PCNX2: variants seen among roughly 807,000 people sequenced by gnomAD.
PCNX2 encodes pecanex-like protein 2.
PCNX2 carries 168 observed loss-of-function variants against 223.8 expected under a neutral mutation model. The observed-to-expected ratio is 0.75, with a 90% confidence interval of 0.66 to 0.85. The LOEUF (loss-of-function observed/expected upper bound fraction) is 0.85. Ranked by LOEUF, PCNX2 falls within the 40% of genes least tolerant of loss-of-function variation. The probability of loss-of-function intolerance (pLI) is 0.00; values close to 1 mark genes in which losing one functional copy is unlikely to be tolerated. For missense variants in PCNX2, 2,507 were observed against 2,675.5 expected (o/e 0.94, Z 1.39); for synonymous variants, 1,006 against 1,052.6 (o/e 0.96, Z 0.86).
chr1:233,009,487 A>T (rs1354323779), intron 28 of PCNX2, among the ~76,000 whole-genome samples: 1 of 152,228 alleles, frequency 6.6e-6, no homozygotes, highest in African/African-American at 2.4e-5. Flanking sequence ...AAAATGCAAA[A>T]TTTAATTAAA....
At chr1:233,031,871 T>C (rs2102844060) in intron 25 of PCNX2, 7 of 984,626 alleles carry the variant, frequency 7.1e-6, no homozygotes, top group East Asian at 1.1e-4. Flanking sequence ...TGAAGATGTA[T>C]AGAAATGCAT....
intron 12 of PCNX2, among the ~76,000 whole-genome samples, chr1:233,210,725 G>T (rs181381810): frequency 6.6e-6 from 1 of 152,082 alleles, no homozygotes; most frequent in African/African-American, 2.4e-5. Context: ...CAGTAGCTCC[G>T]CCAGCTGAAG....
chr1:233,210,664 T>G lies in PCNX2; in HGVS notation c.2692-1975A>C, dbSNP rs1001296618. 6 of 984,598 alleles carry G rather than the reference T, an allele frequency of 6.1e-6. No individual in the cohort carries two copies. In the Admixed American group the frequency reaches 3.1e-4, roughly 50 times the overall value. 61.0% of individuals were successfully genotyped at this position (984,598 alleles called of 1,614,324 possible). A position where few individuals can be genotyped will look rare whatever the true frequency, so the allele number is the denominator to read the frequency against. On this transcript the variant is annotated intron_variant, in intron 12 of 33. Coordinates refer to ENST00000258229, the MANE Select transcript of PCNX2 (RefSeq NM_014801.4). ...ATTCCTACTGCCACATATGAATCAA[T>G]CATCAAATCTCCTAAGGACTGATTT...
chr1:233,121,249 T>C (rs1675773626), intron 21 of PCNX2, among the ~76,000 whole-genome samples: 1 of 152,212 alleles, frequency 6.6e-6, no homozygotes, highest in Non-Finnish European at 1.5e-5. Context: ...AAAATGTTGA[T>C]TCTTTACAAC....
the PCNX2 span, among the ~76,000 whole-genome samples, chr1:233,303,131 A>G: frequency 1.3e-5 from 2 of 152,206 alleles, no homozygotes; most frequent in African/African-American, 4.8e-5. Flanking sequence ...ACACACACAC[A>G]CAATGGACCA....
chr1:233,086,938 T>C, intron 23 of PCNX2: 1 of 817,272 alleles, frequency 1.2e-6, no homozygotes, highest in Non-Finnish European at 1.5e-6. Context: ...AGGACAGCTA[T>C]CCTAGAGCTA....
chr1:233,083,458 G>A lies in PCNX2; in HGVS notation c.4076+6603C>T, dbSNP rs145217309. ...TGTAACAGCACTCACAGGGGCTGCC[G>A]AGCAAGGCACAAGATCCGCTCCACC... is the stretch of plus-strand genomic sequence containing the variant. On this transcript the variant is annotated intron_variant, in intron 23 of 33. Transcript: ENST00000258229. 8.5e-5 allele frequency among the ~76,000 whole-genome samples: 13 copies of A among 152,256 alleles called. No individual in the cohort carries two copies. The East Asian group carries it at 2.1e-3, about 25-fold the overall frequency.
At chr1:233,128,978 C>T (rs1166698771) in intron 21 of PCNX2, among the ~76,000 whole-genome samples, 2 of 152,206 alleles carry the variant, frequency 1.3e-5, no homozygotes, top group African/African-American at 4.8e-5. Flanking sequence ...TGGCAGCCCT[C>T]GCTCACTCTT....
chr1:233,058,084 G>C, intron 23 of PCNX2: 3 of 981,610 alleles, frequency 3.1e-6, no homozygotes, highest in Non-Finnish European at 3.6e-6. Flanking sequence ...ATGGTAACAA[G>C]TGGCCACTAG....
chr1:233,103,834 T>C (rs1459881390), intron 21 of PCNX2, among the ~76,000 whole-genome samples: 1 of 152,194 alleles, frequency 6.6e-6, no homozygotes, highest in Non-Finnish European at 1.5e-5. Context: ...GGAAACTCTA[T>C]TTTTAGTTTT....
At chr1:233,151,368 T>G (rs1677798825) in intron 19 of PCNX2, among the ~76,000 whole-genome samples, 2 of 152,190 alleles carry the variant, frequency 1.3e-5, no homozygotes, top group Admixed American at 1.3e-4. Flanking sequence ...ACTAACATCA[T>G]TCTTCAAAAT....
chr1:233,185,340 G>A (rs1680033932), intron 15 of PCNX2, among the ~76,000 whole-genome samples: 1 of 152,102 alleles, frequency 6.6e-6, no homozygotes, highest in South Asian at 2.1e-4. Context: ...CAGGAAGAAA[G>A]AGACTTGCCC....
intron 25 of PCNX2, among the ~76,000 whole-genome samples, chr1:233,042,736 A>C (rs1054165672): frequency 6.6e-6 from 1 of 152,212 alleles, no homozygotes; most frequent in Non-Finnish European, 1.5e-5. Flanking sequence ...CCAAGTCCCT[A>C]GTGATGCTCT....
chr1:233,112,297 A>C (rs1675160064), intron 21 of PCNX2, among the ~76,000 whole-genome samples: 1 of 152,228 alleles, frequency 6.6e-6, no homozygotes, highest in South Asian at 2.1e-4. Context: ...GCCAGTGGTC[A>C]GCCTTGCAAG....
At chr1:233,233,424 C>CTGTG (rs57458756) in intron 9 of PCNX2, among the ~76,000 whole-genome samples, 15,375 of 140,124 alleles carry the variant, frequency 0.11, 879 homozygotes, top group East Asian at 0.17. Context: ...TCCTCTTCTC[C>CTGTG]TGTGTGTGTG....
chr1:233,153,068 C>A (rs1233292608), intron 19 of PCNX2, among the ~76,000 whole-genome samples: 1 of 152,166 alleles, frequency 6.6e-6, no homozygotes, highest in Non-Finnish European at 1.5e-5. Flanking sequence ...AACCTAGTCA[C>A]AAACAAAAGA....
intron 23 of PCNX2, chr1:233,058,222 A>C (rs1211318872): frequency 5.1e-6 from 1 of 196,828 alleles, no homozygotes; most frequent in African/African-American, 2.4e-5. Context: ...GGGGCAACTG[A>C]TGAATAACAG....
chr1:233,305,073 C>T, the PCNX2 span, among the ~76,000 whole-genome samples: 2 of 152,040 alleles, frequency 1.3e-5, no homozygotes, highest in African/African-American at 2.4e-5. Context: ...ATATATCATT[C>T]CCCATCCCCA....
chr1:233,154,506 G>T lies in PCNX2; in HGVS notation c.3517+5777C>A, dbSNP rs138739358. 8.6e-3 allele frequency among the ~76,000 whole-genome samples: 1,308 copies of T among 152,226 alleles called. 9 individuals carry two copies. The highest frequency in any genetic ancestry group is 0.014 in the Non-Finnish European group (934 of 68,032). On this transcript the variant is annotated intron_variant, in intron 19 of 33. Transcript: ENST00000258229. ...TCCAAACTACCCTTTACTTCAAGAGGCTTTGTATGCCCTTATCAGCCTATA... is the reference window on the plus strand; with the variant it reads ...TCCAAACTACCCTTTACTTCAAGAGTCTTTGTATGCCCTTATCAGCCTATA...
Sources: allele counts gnomAD v4.1 joint callset (sites outside exome capture counted in the v4.1 genomes callset), GRCh38; gene constraint gnomAD v4.1.1; transcripts MANE v1.5; gene names NCBI Gene and HGNC (gene_info 2026-07-23, HGNC 2026-07-21).